MTAP: variants seen among roughly 807,000 people sequenced by gnomAD.
MTAP encodes the protein methylthioadenosine phosphorylase, also known as S-methyl-5'-thioadenosine phosphorylase.
Under a neutral mutation model 33.6 loss-of-function variants are expected in MTAP, and 33 were observed. The ratio of observed to expected loss-of-function variants is 0.98; its 90% CI spans 0.74 to 1.31. The LOEUF (loss-of-function observed/expected upper bound fraction) is 1.31, where lower values mean the gene tolerates loss of function less well. Ranked by LOEUF, MTAP falls within the 40% of genes most tolerant of loss-of-function variation. The pLI is 0.00. For synonymous variants in MTAP, 148 were observed against 125.7 expected (o/e 1.18, Z -1.19); for missense variants, 367 against 360.0 (o/e 1.02, Z -0.16).
Position 21,879,710 on chromosome 9 carries a change from C to G in MTAP, c.147+24840C>G, listed in dbSNP as rs563336453. 2.0e-5 allele frequency among the ~76,000 whole-genome samples: 3 copies of G among 152,238 alleles called. No individual in the cohort carries two copies. In the South Asian group the frequency reaches 6.2e-4, roughly 32 times the overall value. On this transcript the variant is annotated intron_variant, in intron 1 of 1. Coordinates refer to the MTAP transcript ENST00000577563. ...AAATATAGTGCTCCTTTCAAGATCT[C>G]TTACAAGGCAGATCTGTTGGTAACA...
intron 1 of MTAP, among the ~76,000 whole-genome samples, chr9:21,814,748 ATG>A (rs1824435485): frequency 6.6e-6 from 1 of 152,212 alleles, no homozygotes; most frequent in East Asian, 1.9e-4. Flanking sequence ...ATTTGCATAA[ATG>A]TATTTACTGA....
chr9:21,863,972 T>C lies in MTAP; in HGVS notation c.*1958T>C, dbSNP rs1268168211. On this transcript the variant is annotated 3_prime_UTR_variant, in exon 8 of 8. Coordinates refer to ENST00000644715, the MANE Select transcript of MTAP (RefSeq NM_002451.4). ...TATCCATTAGCAATCTGTAGAGAAC[T>C]TAATGAACCTGAACCCAGGCTTCTC... is the stretch of plus-strand genomic sequence containing the variant. 1.5e-5 allele frequency: 15 copies of C among 985,722 alleles called. No homozygotes were observed. The highest frequency in any genetic ancestry group is 1.7e-5 in the Non-Finnish European group (14 of 829,944). The allele number at this position is 985,722 out of a possible 1,614,324, so 61.1% of individuals were successfully genotyped here. A position where few individuals can be genotyped will look rare whatever the true frequency, so the allele number is the denominator to read the frequency against.
intron 1 of MTAP, among the ~76,000 whole-genome samples, chr9:21,806,868 T>G (rs2117908912): frequency 6.6e-6 from 1 of 152,162 alleles, no homozygotes; most frequent in East Asian, 1.9e-4. Flanking sequence ...TCTGGGAGAT[T>G]AAAAATAAGA....
At chr9:21,896,550 G>T (rs112905151) in intron 1 of MTAP, among the ~76,000 whole-genome samples, 1 of 151,990 alleles carries the variant, frequency 6.6e-6, no homozygotes, top group Non-Finnish European at 1.5e-5. Flanking sequence ...AATGATAAAG[G>T]GGATATCACC....
At position 21,802,639 on chromosome 9, in the gene MTAP, C is replaced by G; in HGVS notation, c.-110C>G. On this transcript the variant is annotated 5_prime_UTR_variant, in exon 1 of 8. Transcript: ENST00000644715. ...GGAGTCAAGGCCCGCCCCTGGTCTCCGCACTGCTCACTCCCGCGCAGTGAG... is the reference window on the plus strand; with the variant it reads ...GGAGTCAAGGCCCGCCCCTGGTCTCGGCACTGCTCACTCCCGCGCAGTGAG... 1 of 1,270,686 alleles carries G rather than the reference C, an allele frequency of 7.9e-7. No individual in the cohort carries two copies. The allele number at this position is 1,270,686 out of a possible 1,614,324, so 78.7% of individuals were successfully genotyped here.
At chr9:21,879,997 A>G (rs954898590) in intron 1 of MTAP, among the ~76,000 whole-genome samples, 18 of 152,176 alleles carry the variant, frequency 1.2e-4, no homozygotes, top group African/African-American at 4.1e-4. Context: ...TGGAAAATCT[A>G]AGGATTATGT....
chr9:21,822,285 C>G (rs1452629671), intron 4 of MTAP, among the ~76,000 whole-genome samples: 1 of 152,220 alleles, frequency 6.6e-6, no homozygotes, highest in Non-Finnish European at 1.5e-5. Flanking sequence ...AAATTTCCCT[C>G]TACACACTGC....
At chr9:21,933,994 T>C (rs1389198672), downstream of MTAP, 6 of 152,176 alleles carry the variant, frequency 3.9e-5, no homozygotes. Flanking sequence ...CAAATTAAAC[T>C]TAAAGAAGTT....
intron 1 of MTAP, among the ~76,000 whole-genome samples, chr9:21,905,335 G>T (rs1054455092): frequency 2.6e-5 from 4 of 152,216 alleles, no homozygotes; most frequent in Admixed American, 2.6e-4. Context: ...CTAGGGTTTC[G>T]GGGGTTTTTA....
Position 21,826,576 on chromosome 9 carries a change from G to A in MTAP, c.347+8374G>A, listed in dbSNP as rs16938566. ...ATGTCCAGTTGTCCCTTCATAATGC[G>A]ATCGATCAGGTGCCAGAGGTGCTGG... On this transcript the variant is annotated intron_variant, in intron 4 of 7. Coordinates refer to ENST00000644715, the MANE Select transcript of MTAP (RefSeq NM_002451.4). Among the ~76,000 whole-genome samples the A allele has an allele frequency of 2.5e-3, 372 of 150,600 alleles. 4 individuals are homozygous for A. Among genetic ancestry groups the A allele is most frequent in the African/African-American group, 8.6e-3 (352 of 41,032 alleles).
intron 5 of MTAP, among the ~76,000 whole-genome samples, chr9:21,840,545 A>T (rs1825217850): frequency 1.3e-5 from 2 of 152,206 alleles, no homozygotes; most frequent in Non-Finnish European, 2.9e-5. Context: ...TTAGGGGGTT[A>T]TGTGAAATAT....
chr9:21,809,464 C>T (rs1824289642), intron 1 of MTAP, among the ~76,000 whole-genome samples: 2 of 152,048 alleles, frequency 1.3e-5, no homozygotes, highest in African/African-American at 4.8e-5. Flanking sequence ...ATGGTGAAAC[C>T]CCGTCTCTAC....
chr9:21,896,047 T>C (rs1016889469), intron 1 of MTAP, among the ~76,000 whole-genome samples: 4 of 152,080 alleles, frequency 2.6e-5, no homozygotes, highest in African/African-American at 9.7e-5. Flanking sequence ...AGAACAGAAA[T>C]TATAACAAAC....
At chr9:21,904,310 TG>T (rs1818440261) in intron 1 of MTAP, among the ~76,000 whole-genome samples, 2 of 152,192 alleles carry the variant, frequency 1.3e-5, no homozygotes, top group African/African-American at 4.8e-5. Flanking sequence ...AGGGTGGTCT[TG>T]GGAAATGCAA....
intron 1 of MTAP, among the ~76,000 whole-genome samples, chr9:21,882,797 G>A (rs1315144929): frequency 6.6e-6 from 1 of 151,812 alleles, no homozygotes; most frequent in Non-Finnish European, 1.5e-5. Flanking sequence ...CAAAATTAAT[G>A]TTTAATAGTA....
Position 21,864,774 on chromosome 9 carries a change from C to T in MTAP, c.*2760C>T. Reference sequence around the variant, plus strand: ...AGGGAGTGACTAAGGTGACCTCCAACCTGCCCTGAGCCAGCTGCCCTGCAG... The same window carrying T: ...AGGGAGTGACTAAGGTGACCTCCAATCTGCCCTGAGCCAGCTGCCCTGCAG... On this transcript the variant is annotated 3_prime_UTR_variant, in exon 8 of 8. Transcript: ENST00000644715. 1 of 985,440 alleles carries T rather than the reference C, an allele frequency of 1.0e-6. No homozygotes were observed. The highest frequency in any genetic ancestry group is 1.2e-6 in the Non-Finnish European group (1 of 829,958). The allele number at this position is 985,440 out of a possible 1,614,324, so 61.0% of individuals were successfully genotyped here.
intron 5 of MTAP, among the ~76,000 whole-genome samples, chr9:21,853,539 T>C (rs1825565543): frequency 6.6e-6 from 1 of 152,234 alleles, no homozygotes; most frequent in African/African-American, 2.4e-5. Context: ...AATTTGTTTA[T>C]GTGATGAACA....
At chr9:21,804,878 A>G (rs1824167928) in intron 1 of MTAP, among the ~76,000 whole-genome samples, 1 of 152,236 alleles carries the variant, frequency 6.6e-6, no homozygotes, top group South Asian at 2.1e-4. Flanking sequence ...TCCACCAACT[A>G]GATGTGAGGC....
chr9:21,833,089 G>T (rs1256436110), intron 4 of MTAP, among the ~76,000 whole-genome samples: 2 of 152,136 alleles, frequency 1.3e-5, no homozygotes, highest in East Asian at 3.9e-4. Context: ...AACATCCATT[G>T]GTTTTCCTCC....
Sources: gnomAD v4.1 joint callset for allele counts (sites outside exome capture counted in the v4.1 genomes callset) on GRCh38, gnomAD v4.1.1 for gene constraint, MANE v1.5 for transcripts, NCBI Gene and HGNC (gene_info 2026-07-23, HGNC 2026-07-21) for gene names.